Variants in DDX42 observed in about 807,000 individuals in gnomAD.
The protein encoded by DDX42 is DEAD-box helicase 42.
A neutral mutation model predicts 101.5 loss-of-function variants in DDX42; 22 were observed. That is an observed-to-expected ratio of 0.22 (90% CI 0.15 to 0.31). The LOEUF (loss-of-function observed/expected upper bound fraction) is 0.31. Ranked by LOEUF, DDX42 falls within the 10% of genes least tolerant of loss-of-function variation. DDX42 has a pLI of 1.00. For missense variants in DDX42, 849 were observed against 1,199.9 expected (o/e 0.71, Z 4.32); for synonymous variants, 402 against 401.2 (o/e 1.00, Z -0.02).
In DDX42 at chr17:63,787,156, A is replaced by T. The variant is rs746463979; in HGVS notation, c.107A>T (p.His36Leu). The T allele has an allele frequency of 1.9e-6, 3 of 1,614,212 alleles. No homozygotes were observed. In the South Asian group the frequency reaches 3.3e-5, roughly 18 times the overall value. The stretch of plus-strand genomic sequence containing the variant: ...GAACCCAAACTCCCACAGCAGTCCC[A>T]CAGTGCCTTTGGGGCAACCAGCTCT... ...KEEPKLPQQSHSAFGATSSSS... is the reference protein window; with the variant it reads ...KEEPKLPQQSLSAFGATSSSS... The change falls in exon 2 of 18, where the codon CAC becomes CTC. Residue 36 changes from histidine (H) to leucine (L), a missense_variant. By Grantham distance (99) the His-to-Leu change is moderately conservative (BLOSUM62 -3). This residue lies in a region of DDX42 where 92 missense variants were observed against 106.7 expected (regional missense o/e 0.86). Coordinates refer to ENST00000389924, the MANE Select transcript of DDX42 (RefSeq NM_203499.3).
At chr17:63,775,227 C>G (rs1434754470) in intron 1 of DDX42, 2 of 152,584 alleles carry the variant, frequency 1.3e-5, no homozygotes, top group Non-Finnish European at 2.9e-5. Flanking sequence ...ATTTTGACAG[C>G]TGGGAAAAGA....
intron 6 of DDX42, among the ~76,000 whole-genome samples, chr17:63,804,773 G>A (rs377349510): frequency 3.0e-4 from 46 of 152,218 alleles, no homozygotes; most frequent in African/African-American, 8.9e-4. Context: ...TGTTTGAACC[G>A]GGGAGGTGGA....
chr17:63,787,684 A>G (rs2039563473), intron 2 of DDX42, among the ~76,000 whole-genome samples: 1 of 151,952 alleles, frequency 6.6e-6, no homozygotes, highest in South Asian at 2.1e-4. Flanking sequence ...TAAAAATACA[A>G]AACATTAGCC....
chr17:63,816,744 C>T, intron 16 of DDX42, 124 bp from the exon 17 acceptor site: 1 of 581,196 alleles, frequency 1.7e-6, no homozygotes, highest in Non-Finnish European at 2.8e-6. Flanking sequence ...GCAGTAGCAG[C>T]TTTCTAAAAG....
intron 17 of DDX42, 57 bp downstream of exon 17, chr17:63,817,023 A>T (rs545686732): frequency 1.4e-6 from 2 of 1,475,670 alleles, no homozygotes; most frequent in African/African-American, 2.8e-5. Context: ...GGGCAGTGAC[A>T]GAGGGGCTTA....
intron 13 of DDX42, chr17:63,811,576 A>T: frequency 2.6e-6 from 1 of 387,296 alleles, no homozygotes; most frequent in Non-Finnish European, 4.7e-6. Flanking sequence ...GCCTGGAAAA[A>T]ATCAGGTTTC....
chr17:63,804,421 A>G (rs1250313473), intron 6 of DDX42, among the ~76,000 whole-genome samples: 1 of 152,238 alleles, frequency 6.6e-6, no homozygotes, highest in African/African-American at 2.4e-5. Flanking sequence ...ATTCTTGGCC[A>G]TACATTTTTT....
rs2727296 is a variant in DDX42, at chr17:63,809,586, G to A, written c.1179G>A (p.Lys393=). 3 of 1,614,098 alleles carry A rather than the reference G, an allele frequency of 1.9e-6. No individual in the cohort carries two copies. Among genetic ancestry groups the A allele is most frequent in the Non-Finnish European group, 2.5e-6 (3 of 1,179,988 alleles). Residue 393 remains lysine (K), a synonymous_variant, in exon 11 of 18, where the codon AAG becomes AAA. Transcript: ENST00000389924. The part of the protein sequence containing the change: ...TPGRLIDHVK[K]KATNLQRVSY... ...GTCGACTGATAGATCATGTGAAAAA[G>A]AAAGCTACCAATCTTCAAAGAGTCT...
In DDX42 at chr17:63,806,520, T is replaced by C. The variant is rs2289556; in HGVS notation, c.727-15T>C. 3,436 of 1,605,076 alleles carry C rather than the reference T, an allele frequency of 2.1e-3. 46 individuals are homozygous for C. In the East Asian group the frequency reaches 0.032, roughly 15 times the overall value. ...TGAAGTACAAGTCATTCTGGGGAGT[T>C]GTCTCTATCTCTAGGTCTCTGGTGC... On this transcript the variant is annotated splice_polypyrimidine_tract_variant and intron_variant, in intron 7 of 17. Transcript: ENST00000389924.
At chr17:63,806,398 G>A (rs1195487559) in intron 7 of DDX42, 137 bp from the exon 8 acceptor site, 24 of 895,460 alleles carry the variant, frequency 2.7e-5, no homozygotes, top group Non-Finnish European at 3.6e-5. Context: ...CCTTTTCATT[G>A]TATGATTTTG....
At chr17:63,789,871 C>A (rs1401299994) in intron 2 of DDX42, among the ~76,000 whole-genome samples, 1 of 152,064 alleles carries the variant, frequency 6.6e-6, no homozygotes, top group African/African-American at 2.4e-5. Flanking sequence ...CTGCACCTGG[C>A]CAAAATATTT....
At chr17:63,793,592 A>G (rs952264332) in intron 3 of DDX42, among the ~76,000 whole-genome samples, 3 of 152,044 alleles carry the variant, frequency 2.0e-5, no homozygotes, top group African/African-American at 7.2e-5. Context: ...ATTATTTTAA[A>G]ATCTCAGACA....
Position 63,807,904 on chromosome 17 carries a change from T to C in DDX42, c.1023+4T>C, listed in dbSNP as rs375466215. 3.1e-6 allele frequency: 5 copies of C among 1,610,562 alleles called. No homozygotes were observed. The highest frequency in any genetic ancestry group is 4.2e-6 in the Non-Finnish European group (5 of 1,178,336). On this transcript the variant is annotated splice_donor_region_variant and intron_variant, in intron 9 of 17. Transcript: ENST00000389924. ...TACCAGGGAGCTTTGCCAGCAGGTA[T>C]GTGCTTTCTATAGAATGCCTCCTTC...
chr17:63,787,000 T>C (rs1322581179), intron 1 of DDX42, 34 bp from the exon 2 acceptor site: 3 of 1,606,046 alleles, frequency 1.9e-6, no homozygotes, highest in Non-Finnish European at 2.6e-6. Context: ...CTTTTTTAAG[T>C]TTAATTTATA....
intron 1 of DDX42, chr17:63,774,856 AG>A (rs1374653293): frequency 3.7e-4 from 57 of 152,370 alleles, no homozygotes; most frequent in African/African-American, 1.3e-3. Flanking sequence ...GCATCACTGT[AG>A]TCACACAAAC....
chr17:63,781,126 C>T (rs535966289), intron 1 of DDX42, among the ~76,000 whole-genome samples: 1 of 152,280 alleles, frequency 6.6e-6, no homozygotes, highest in African/African-American at 2.4e-5. Flanking sequence ...TACTTACTTG[C>T]CAGGTACTCC....
chr17:63,804,500 A>G (rs1196679763), intron 6 of DDX42, among the ~76,000 whole-genome samples: 1 of 152,200 alleles, frequency 6.6e-6, no homozygotes, highest in African/African-American at 2.4e-5. Context: ...CTATCTCCAA[A>G]ATAAATATTA....
At chr17:63,796,144 A>G (rs1186510841) in intron 3 of DDX42, among the ~76,000 whole-genome samples, 2 of 152,172 alleles carry the variant, frequency 1.3e-5, no homozygotes, top group African/African-American at 2.4e-5. Flanking sequence ...TATGTTTCCT[A>G]GAGAATCTGG....
In DDX42 at chr17:63,816,858, A is replaced by C; in HGVS notation, c.2014-10A>C. ...TTTTTTCATTCTCATAGATGTGTTT[A>C]TTTTTTTAGGATCGAGGAAATAACA... On this transcript the variant is annotated splice_polypyrimidine_tract_variant and intron_variant, in intron 16 of 17. Transcript: ENST00000389924. 6.2e-7 allele frequency: 1 copy of C among 1,608,246 alleles called. No homozygotes were observed. The highest frequency in any genetic ancestry group is 8.5e-7 in the Non-Finnish European group (1 of 1,177,350).
Sources: allele counts gnomAD v4.1 joint callset (sites outside exome capture counted in the v4.1 genomes callset), GRCh38; gene constraint gnomAD v4.1.1; regional missense constraint gnomAD v4.1.1; transcripts MANE v1.5; gene names NCBI Gene and HGNC (gene_info 2026-07-23, HGNC 2026-07-21).